PTPRD: variants seen among roughly 807,000 people sequenced by gnomAD.
PTPRD encodes the protein receptor-type tyrosine-protein phosphatase delta.
PTPRD carries 34 observed loss-of-function variants against 214.5 expected under a neutral mutation model. That is an observed-to-expected ratio of 0.16 (90% confidence interval 0.12 to 0.21). The LOEUF (loss-of-function observed/expected upper bound fraction) is 0.21, where lower values mean the gene tolerates loss of function less well. Among genes scored for constraint, PTPRD ranks in the 10% least tolerant of loss-of-function variants. PTPRD has a pLI of 1.00. For synonymous variants in PTPRD, 1,128 were observed against 845.7 expected, an observed-to-expected ratio of 1.33 and a Z score of -5.79; for missense variants, 2,545 against 2,398.7, an observed-to-expected ratio of 1.06 and a Z score of -1.27.
intron 10 of PTPRD, among the ~76,000 whole-genome samples, chr9:9,156,178 G>T (rs2099881023): frequency 6.6e-6 from 1 of 152,114 alleles, no homozygotes; most frequent in African/African-American, 2.4e-5. Context: ...AGCAATCTTT[G>T]TGCCAGATAT....
chr9:10,092,773 G>A (rs1304042914), intron 3 of PTPRD, among the ~76,000 whole-genome samples: 1 of 151,394 alleles, frequency 6.6e-6, no homozygotes, highest in Non-Finnish European at 1.5e-5. Flanking sequence ...CAACAGAACA[G>A]ACTAGAGAGC....
intron 11 of PTPRD, among the ~76,000 whole-genome samples, chr9:8,858,686 T>C (rs2098014439): frequency 1.0e-5 from 1 of 97,508 alleles, no homozygotes. Flanking sequence ...CGGGGAGAGC[T>C]GGGCCCGCTG....
chr9:8,882,306 A>T (rs140426581), intron 11 of PTPRD, among the ~76,000 whole-genome samples: 172 of 152,244 alleles, frequency 1.1e-3, no homozygotes, highest in African/African-American at 3.8e-3. Flanking sequence ...AAAGGATCTT[A>T]AAAATGGTCC....
chr9:9,402,249 A>C (rs187946971), intron 8 of PTPRD, among the ~76,000 whole-genome samples: 11 of 152,256 alleles, frequency 7.2e-5, no homozygotes, highest in African/African-American at 2.6e-4. Context: ...TGAAGAAAAA[A>C]GTGGAAATGG....
At chr9:10,609,135 A>G (rs925910559) in intron 2 of PTPRD, among the ~76,000 whole-genome samples, 1 of 152,044 alleles carries the variant, frequency 6.6e-6, no homozygotes, top group Admixed American at 6.6e-5. Flanking sequence ...TATGTAACTG[A>G]AATTAAAGTG....
At chr9:10,345,940 T>C (rs1260518317) in intron 2 of PTPRD, among the ~76,000 whole-genome samples, 1 of 152,212 alleles carries the variant, frequency 6.6e-6, no homozygotes, top group Non-Finnish European at 1.5e-5. Flanking sequence ...TCCTGACTTT[T>C]TAATGATCGC....
At chr9:8,790,360 T>C (rs1310430709) in intron 11 of PTPRD, among the ~76,000 whole-genome samples, 1 of 152,072 alleles carries the variant, frequency 6.6e-6, no homozygotes, top group Non-Finnish European at 1.5e-5. Context: ...TTATACATTG[T>C]CTTTCTTGTC....
intron 3 of PTPRD, among the ~76,000 whole-genome samples, chr9:10,102,750 T>G (rs1172498562): frequency 9.2e-5 from 14 of 151,570 alleles, no homozygotes; most frequent in Non-Finnish European, 1.8e-4. Context: ...TGCTTCAAAA[T>G]GAGTATAAAG....
At chr9:8,343,817 T>A (rs1239044035) in intron 39 of PTPRD, among the ~76,000 whole-genome samples, 1 of 151,982 alleles carries the variant, frequency 6.6e-6, no homozygotes, top group Non-Finnish European at 1.5e-5. Flanking sequence ...GTAAACAAAT[T>A]AGTGACTGGC....
At chr9:10,043,079 C>G (rs1456165196) in intron 3 of PTPRD, among the ~76,000 whole-genome samples, 3 of 151,860 alleles carry the variant, frequency 2.0e-5, no homozygotes, top group African/African-American at 7.3e-5. Flanking sequence ...TCTACACAAA[C>G]AGAGGGCAGT....
chr9:9,733,678 A>G (rs1040413096), intron 7 of PTPRD, among the ~76,000 whole-genome samples: 4 of 152,168 alleles, frequency 2.6e-5, no homozygotes, highest in Non-Finnish European at 5.9e-5. Flanking sequence ...CAGTCCATCA[A>G]GTTAGAATCT....
chr9:9,013,240 A>G (rs2099519315), intron 11 of PTPRD, among the ~76,000 whole-genome samples: 1 of 152,086 alleles, frequency 6.6e-6, no homozygotes, highest in Admixed American at 6.6e-5. Context: ...TTCTGAAGCA[A>G]TAATTAATAT....
At chr9:10,212,033 G>C (rs773496692) in intron 3 of PTPRD, among the ~76,000 whole-genome samples, 10 of 152,070 alleles carry the variant, frequency 6.6e-5, no homozygotes, top group Non-Finnish European at 1.3e-4. Context: ...ATGTTGTTTA[G>C]GAAGACTAAA....
chr9:8,579,820 T>C (rs1395848729), intron 14 of PTPRD, among the ~76,000 whole-genome samples: 1 of 152,138 alleles, frequency 6.6e-6, no homozygotes, highest in Non-Finnish European at 1.5e-5. Flanking sequence ...ATGTAGTATG[T>C]TAGATGGAAA....
intron 9 of PTPRD, among the ~76,000 whole-genome samples, chr9:9,347,150 CAG>C (rs2049157586): frequency 6.6e-6 from 1 of 152,060 alleles, no homozygotes; most frequent in Non-Finnish European, 1.5e-5. Flanking sequence ...GCCTGGGTAA[CAG>C]AGTGAGGCTC....
chr9:10,026,551 T>C (rs747210110), intron 4 of PTPRD, among the ~76,000 whole-genome samples: 5 of 152,186 alleles, frequency 3.3e-5, no homozygotes, highest in Non-Finnish European at 5.9e-5. Context: ...AATTTTTGTT[T>C]ATCTTAGCCC....
At chr9:8,339,835 CA>C (rs34436014) in intron 42 of PTPRD, among the ~76,000 whole-genome samples, 1 of 147,462 alleles carries the variant, frequency 6.8e-6, no homozygotes, top group African/African-American at 2.5e-5. Flanking sequence ...ATGTGTATTT[CA>C]AAAAAAAACA....
At chr9:8,548,696 T>G (rs2081065337) in intron 14 of PTPRD, among the ~76,000 whole-genome samples, 1 of 131,744 alleles carries the variant, frequency 7.6e-6, no homozygotes, top group African/African-American at 3.0e-5. Context: ...TTTTTTTTTT[T>G]TTTTTTTTTT....
chr9:8,975,662 T>A (rs1464373786), intron 11 of PTPRD, among the ~76,000 whole-genome samples: 1 of 151,960 alleles, frequency 6.6e-6, no homozygotes, highest in African/African-American at 2.4e-5. Context: ...TATGTATTTA[T>A]TCAGTGTAAT....
Sources: gnomAD v4.1 joint callset for allele counts (sites outside exome capture counted in the v4.1 genomes callset) on GRCh38, gnomAD v4.1.1 for gene constraint, MANE v1.5 for transcripts, NCBI Gene and HGNC (gene_info 2026-07-23, HGNC 2026-07-21) for gene names.